The following C1orf21 variants were observed in gnomAD, a reference collection of about 807,000 sequenced individuals.
The protein encoded by C1orf21 is uncharacterized protein C1orf21.
In C1orf21, 3 loss-of-function variants were observed where a neutral mutation model predicts 18.7. The observed-to-expected ratio is 0.16, with a 90% CI of 0.07 to 0.42. The LOEUF (loss-of-function observed/expected upper bound fraction) is 0.42. Ranked by LOEUF, C1orf21 falls within the 10% of genes least tolerant of loss-of-function variation. The pLI is 0.99. For synonymous variants in C1orf21, 41 were observed against 46.4 expected, an observed-to-expected ratio of 0.88 and a Z score of 0.47; for missense variants, 104 against 143.6, an observed-to-expected ratio of 0.72 and a Z score of 1.41.
Position 184,461,244 on chromosome 1 carries a change from A to C in C1orf21, c.-124-16142A>C, listed in dbSNP as rs111443858. On this transcript the variant is annotated intron_variant, in intron 1 of 5. Transcript: ENST00000235307. ...CTCTGTCTTTGGTCTTCTTGACAGA[A>C]TGTTGTTGGTGTTCAGCTTTCAGCT... 4.6e-4 allele frequency among the ~76,000 whole-genome samples: 70 copies of C among 152,294 alleles called. 1 individual carries two copies. Among genetic ancestry groups the C allele is most frequent in the African/African-American group, 1.7e-3 (69 of 41,568 alleles).
At chr1:184,588,431 G>T (rs1248839822) in intron 3 of C1orf21, among the ~76,000 whole-genome samples, 1 of 152,092 alleles carries the variant, frequency 6.6e-6, no homozygotes, top group East Asian at 1.9e-4. Flanking sequence ...AGGTAAAAGG[G>T]TCTTGACCCT....
intron 1 of C1orf21, among the ~76,000 whole-genome samples, chr1:184,456,679 A>G (rs1657203358): frequency 1.3e-5 from 2 of 151,950 alleles, no homozygotes; most frequent in South Asian, 4.1e-4. Flanking sequence ...TTTCACCAAT[A>G]CTCAACTAAA....
chr1:184,459,815 C>T (rs1657274309), intron 1 of C1orf21, among the ~76,000 whole-genome samples: 1 of 152,128 alleles, frequency 6.6e-6, no homozygotes, highest in South Asian at 2.1e-4. Flanking sequence ...TCCTAGAAAC[C>T]AGGTGCTTTG....
At chr1:184,472,377 A>AT (rs1657508258) in intron 1 of C1orf21, among the ~76,000 whole-genome samples, 1 of 151,990 alleles carries the variant, frequency 6.6e-6, no homozygotes, top group Non-Finnish European at 1.5e-5. Context: ...TCCAAGCCTC[A>AT]TGTTCTTTTT....
chr1:184,578,134 T>C (rs1659222048), intron 3 of C1orf21, among the ~76,000 whole-genome samples: 1 of 151,980 alleles, frequency 6.6e-6, no homozygotes, highest in South Asian at 2.1e-4. Context: ...TTTTTTTTAT[T>C]TTTAGTAGAG....
intron 1 of C1orf21, among the ~76,000 whole-genome samples, chr1:184,402,170 T>G (rs1656167898): frequency 6.6e-6 from 1 of 152,232 alleles, no homozygotes; most frequent in Admixed American, 6.5e-5. Flanking sequence ...CTATCTATGT[T>G]TCAAGGTCTC....
At chr1:184,462,745 A>G (rs1657326956) in intron 1 of C1orf21, among the ~76,000 whole-genome samples, 1 of 152,164 alleles carries the variant, frequency 6.6e-6, no homozygotes, top group South Asian at 2.1e-4. Context: ...AAACCAGGTA[A>G]AAGAGATTGA....
chr1:184,474,776 C>T (rs915764578), intron 1 of C1orf21, among the ~76,000 whole-genome samples: 17 of 152,258 alleles, frequency 1.1e-4, no homozygotes, highest in Admixed American at 6.5e-4. Context: ...CACCTAGGTT[C>T]GCCCTCTCAC....
At chr1:184,451,883 A>C (rs1421773761) in intron 1 of C1orf21, among the ~76,000 whole-genome samples, 1 of 152,236 alleles carries the variant, frequency 6.6e-6, no homozygotes, top group African/African-American at 2.4e-5. Context: ...TAATGAGCAA[A>C]TGCTCCATTG....
chr1:184,490,494 A>G (rs1657801320), intron 2 of C1orf21, among the ~76,000 whole-genome samples: 1 of 152,350 alleles, frequency 6.6e-6, no homozygotes, highest in African/African-American at 2.4e-5. Flanking sequence ...GCTTAGAGGT[A>G]CACCACACAT....
At chr1:184,425,699 C>A (rs897626103) in intron 1 of C1orf21, among the ~76,000 whole-genome samples, 57 of 152,282 alleles carry the variant, frequency 3.7e-4, no homozygotes, top group African/African-American at 1.3e-3. Flanking sequence ...TCTGTCACCC[C>A]TCAAAATGTT....
chr1:184,512,626 T>C (rs969598078), intron 3 of C1orf21, among the ~76,000 whole-genome samples: 1 of 152,230 alleles, frequency 6.6e-6, no homozygotes, highest in Non-Finnish European at 1.5e-5. Flanking sequence ...AGTAGTAGCA[T>C]TTGCTTTGGA....
At chr1:184,490,532 T>C (rs542106077) in intron 2 of C1orf21, among the ~76,000 whole-genome samples, 3 of 152,300 alleles carry the variant, frequency 2.0e-5, no homozygotes, top group East Asian at 1.9e-4. Flanking sequence ...ACTGGGAAAC[T>C]TTAACCAACT....
chr1:184,536,685 C>G (rs1312164792), intron 3 of C1orf21, among the ~76,000 whole-genome samples: 1 of 152,096 alleles, frequency 6.6e-6, no homozygotes, highest in Non-Finnish European at 1.5e-5. Flanking sequence ...TGTGCAAGTT[C>G]CATGTCTAAT....
chr1:184,393,406 T>C (rs896983829), intron 1 of C1orf21, among the ~76,000 whole-genome samples: 2 of 152,206 alleles, frequency 1.3e-5, no homozygotes, highest in Non-Finnish European at 2.9e-5. Context: ...CATACCTGCC[T>C]CTGCCTGTTT....
intron 5 of C1orf21, among the ~76,000 whole-genome samples, chr1:184,615,001 G>A (rs1558015465): frequency 6.6e-6 from 1 of 152,174 alleles, no homozygotes; most frequent in African/African-American, 2.4e-5. Context: ...TTTTAAACCT[G>A]TGGAGGAAAA....
chr1:184,597,757 C>T (rs958788621), intron 4 of C1orf21, among the ~76,000 whole-genome samples: 4 of 152,302 alleles, frequency 2.6e-5, no homozygotes, highest in Admixed American at 6.5e-5. Context: ...CCTTGTCAGC[C>T]GTCTCACTAA....
chr1:184,445,382 G>A (rs1166158289), intron 1 of C1orf21, among the ~76,000 whole-genome samples: 2 of 134,044 alleles, frequency 1.5e-5, no homozygotes, highest in South Asian at 2.3e-4. Context: ...CTCGCAAGGA[G>A]CTGCTCTCCT....
chr1:184,396,934 T>A (rs1386940231), intron 1 of C1orf21, among the ~76,000 whole-genome samples: 1 of 152,188 alleles, frequency 6.6e-6, no homozygotes, highest in Non-Finnish European at 1.5e-5. Context: ...CCAGCACATA[T>A]TTGTTGAATG....
Sources: allele counts gnomAD v4.1 joint callset (sites outside exome capture counted in the v4.1 genomes callset), GRCh38; gene constraint gnomAD v4.1.1; transcripts MANE v1.5; gene names NCBI Gene and HGNC (gene_info 2026-07-23, HGNC 2026-07-21).